The following SMOC2 variants were observed in gnomAD, a reference collection of about 807,000 sequenced individuals.
SMOC2 encodes SPARC related modular calcium binding 2, also known as SPARC-related modular calcium-binding protein 2.
SMOC2 carries 39 observed loss-of-function variants against 61.4 expected under a neutral mutation model. The ratio of observed to expected loss-of-function variants is 0.64; its 90% CI spans 0.49 to 0.83. The LOEUF (loss-of-function observed/expected upper bound fraction) is 0.83. Ranked by LOEUF, SMOC2 falls within the 40% of genes least tolerant of loss-of-function variation. The probability of loss-of-function intolerance (pLI) is 0.00; values close to 1 mark genes in which losing one functional copy is unlikely to be tolerated. For synonymous variants in SMOC2, 247 were observed against 239.9 expected, an observed-to-expected ratio of 1.03 and a Z score of -0.27; for missense variants, 556 against 592.9, an observed-to-expected ratio of 0.94 and a Z score of 0.65.
intron 9 of SMOC2, among the ~76,000 whole-genome samples, chr6:168,632,044 C>A (rs1356698246): frequency 6.6e-6 from 1 of 152,186 alleles, no homozygotes; most frequent in Non-Finnish European, 1.5e-5. Context: ...AGCTCCGTTC[C>A]CCTCACTCAG....
At chr6:168,583,881 G>A (rs952361143) in intron 7 of SMOC2, among the ~76,000 whole-genome samples, 2 of 152,254 alleles carry the variant, frequency 1.3e-5, no homozygotes, top group East Asian at 3.9e-4. Context: ...GAGGGCAGAG[G>A]AGGGCAGAGG....
chr6:168,659,518 TA>T (rs1787422114), intron 11 of SMOC2, among the ~76,000 whole-genome samples: 2 of 134,158 alleles, frequency 1.5e-5, no homozygotes, highest in African/African-American at 2.9e-5. Flanking sequence ...GTGGAGGTTG[TA>T]GGTTGGGTGA....
intron 8 of SMOC2, 122 bp downstream of exon 8, chr6:168,599,126 TCACACACA>T: frequency 3.7e-6 from 3 of 816,702 alleles, no homozygotes; most frequent in Non-Finnish European, 5.5e-6. Context: ...ACACTCACAC[TCACACACA>T]CTGATACCAC....
At chr6:168,456,854 G>A (rs1381223094) in intron 1 of SMOC2, among the ~76,000 whole-genome samples, 2 of 152,322 alleles carry the variant, frequency 1.3e-5, no homozygotes, top group African/African-American at 4.8e-5. Context: ...GCTGCTCCAT[G>A]TGGGCAACGG....
At position 168,444,096 on chromosome 6, in the gene SMOC2, G is replaced by GT. The variant is rs567591077; in HGVS notation, c.84+2643dup. Reference sequence around the variant, plus strand: ...ATAGCGTTGTGGCATTAAGGTGTGTGTGGATTCAACTTTGCAGTATTTTCA... The same window carrying GT: ...ATAGCGTTGTGGCATTAAGGTGTGTGTTGGATTCAACTTTGCAGTATTTTCA... On this transcript the variant is annotated intron_variant, in intron 1 of 12. Coordinates refer to ENST00000356284, the MANE Select transcript of SMOC2 (RefSeq NM_001166412.2). Among the ~76,000 whole-genome samples the GT allele has an allele frequency of 3.7e-4, 57 of 152,308 alleles. No homozygotes were observed. The Middle Eastern group carries it at 0.014, about 36-fold the overall frequency.
rs141366484 is a variant in SMOC2 at position 168,482,136 on chromosome 6, C to G, written c.85-27779C>G. Among the ~76,000 whole-genome samples the G allele has an allele frequency of 4.8e-3, 724 of 151,620 alleles. 11 individuals carry two copies. The highest frequency in any genetic ancestry group is 0.034 in the East Asian group (175 of 5,150). ...TTGAAAAGATCAATAAAATTGATAA[C>G]ATTTTAGCTACATAGACTAAGAAAA... is the stretch of plus-strand genomic sequence containing the variant. On this transcript the variant is annotated intron_variant, in intron 1 of 12. Coordinates refer to ENST00000356284, the MANE Select transcript of SMOC2 (RefSeq NM_001166412.2).
At chr6:168,505,700 T>C (rs745847480) in intron 1 of SMOC2, among the ~76,000 whole-genome samples, 64 of 152,244 alleles carry the variant, frequency 4.2e-4, no homozygotes, top group Admixed American at 1.4e-3. Context: ...AGGATTTCCA[T>C]ATTTGCTTGG....
chr6:168,598,648 A>G (rs113340087), intron 7 of SMOC2, among the ~76,000 whole-genome samples, 170 bp from the exon 8 acceptor site: 1,577 of 152,256 alleles, frequency 0.01, 27 homozygotes, highest in African/African-American at 0.034. Flanking sequence ...AACTGGAGCC[A>G]TGTGAGGTTC....
chr6:168,654,431 G>C (rs1400737349), intron 11 of SMOC2, among the ~76,000 whole-genome samples: 18 of 17,948 alleles, frequency 1.0e-3, no homozygotes, highest in African/African-American at 1.2e-3. Flanking sequence ...CACCACCCCT[G>C]TACCTGAGCT....
chr6:168,625,812 C>T (rs745371406), intron 9 of SMOC2, among the ~76,000 whole-genome samples: 38 of 152,320 alleles, frequency 2.5e-4, no homozygotes, highest in Middle Eastern at 6.8e-3. Flanking sequence ...CCAGCTCCAC[C>T]GCTGAGCCAG....
chr6:168,589,076 CAAA>C (rs35958554), intron 7 of SMOC2, among the ~76,000 whole-genome samples: 11 of 89,874 alleles, frequency 1.2e-4, no homozygotes, highest in East Asian at 3.1e-4. Flanking sequence ...GAATTCGTCT[CAAA>C]AAAAAAAAAA....
At chr6:168,515,583 C>T (rs576433415) in intron 2 of SMOC2, among the ~76,000 whole-genome samples, 3 of 152,296 alleles carry the variant, frequency 2.0e-5, no homozygotes, top group Admixed American at 1.3e-4. Context: ...CATCCTGGCT[C>T]GTGGCGGAAG....
intron 2 of SMOC2, among the ~76,000 whole-genome samples, chr6:168,524,799 G>A (rs555123777): frequency 1.2e-4 from 18 of 152,370 alleles, no homozygotes; most frequent in Admixed American, 4.6e-4. Context: ...ATGGAGGAGC[G>A]TTTGCTCAGA....
chr6:168,517,459 G>C (rs1391791413), intron 2 of SMOC2, among the ~76,000 whole-genome samples: 1 of 152,360 alleles, frequency 6.6e-6, no homozygotes, highest in East Asian at 1.9e-4. Flanking sequence ...TCGAGGTGCA[G>C]CTCCTTCCAC....
intron 9 of SMOC2, among the ~76,000 whole-genome samples, chr6:168,643,010 C>T (rs748523083): frequency 2.6e-5 from 4 of 152,210 alleles, no homozygotes; most frequent in Admixed American, 6.5e-5. Flanking sequence ...ACATGTCCAT[C>T]TCTGTGTACT....
intron 1 of SMOC2, among the ~76,000 whole-genome samples, chr6:168,455,952 G>A (rs548025643): frequency 7.2e-5 from 11 of 152,220 alleles, no homozygotes; most frequent in Non-Finnish European, 1.5e-4. Flanking sequence ...CTCACTTCCC[G>A]ATTTCCCGGT....
At chr6:168,449,062 G>C (rs1302508575) in intron 1 of SMOC2, among the ~76,000 whole-genome samples, 1 of 152,022 alleles carries the variant, frequency 6.6e-6, no homozygotes, top group Non-Finnish European at 1.5e-5. Context: ...CGCTCACATG[G>C]AACCACATTT....
At chr6:168,554,548 C>T (rs1412694902) in intron 7 of SMOC2, among the ~76,000 whole-genome samples, 2 of 152,152 alleles carry the variant, frequency 1.3e-5, no homozygotes, top group Non-Finnish European at 2.9e-5. Context: ...GGCACGGAGG[C>T]CCCCCGTCTC....
At chr6:168,581,376 C>T (rs1328392411) in intron 7 of SMOC2, among the ~76,000 whole-genome samples, 1 of 152,134 alleles carries the variant, frequency 6.6e-6, no homozygotes, top group East Asian at 1.9e-4. Context: ...CTGGCATGGG[C>T]ATTATCTGGA....
Sources: allele counts gnomAD v4.1 joint callset (sites outside exome capture counted in the v4.1 genomes callset), GRCh38; gene constraint gnomAD v4.1.1; transcripts MANE v1.5; gene names NCBI Gene and HGNC (gene_info 2026-07-23, HGNC 2026-07-21).